The following DNAJC12 variants were observed in gnomAD, a reference collection of about 807,000 sequenced individuals.
The protein encoded by DNAJC12 is dnaJ homolog subfamily C member 12.
Under a neutral mutation model 28.5 loss-of-function variants are expected in DNAJC12, and 25 were observed. That is an observed-to-expected ratio of 0.88 (90% CI 0.64 to 1.22). The LOEUF is 1.22. Ranked by LOEUF, DNAJC12 falls within the 50% of genes most tolerant of loss-of-function variation. DNAJC12 has a pLI of 0.00. For synonymous variants in DNAJC12, 77 were observed against 80.6 expected (o/e 0.95, Z 0.24); for missense variants, 222 against 231.7 (o/e 0.96, Z 0.27).
intron 1 of DNAJC12, among the ~76,000 whole-genome samples, chr10:67,823,829 G>A (rs1801980455): frequency 6.6e-6 from 1 of 152,026 alleles, no homozygotes; most frequent in African/African-American, 2.4e-5. Flanking sequence ...TTTCCTCTAA[G>A]AAATAATAAA....
intron 2 of DNAJC12, among the ~76,000 whole-genome samples, chr10:67,813,238 C>A (rs1278086559): frequency 1.3e-5 from 2 of 151,964 alleles, no homozygotes; most frequent in Admixed American, 1.3e-4. Flanking sequence ...CGGTGGGCGC[C>A]TGTAATCCCA....
At chr10:67,827,046 G>T (rs917681281) in intron 1 of DNAJC12, among the ~76,000 whole-genome samples, 5 of 150,078 alleles carry the variant, frequency 3.3e-5, no homozygotes, top group Non-Finnish European at 3.0e-5. Context: ...AGAAAGTTTT[G>T]GGGGTTTATC....
chr10:67,814,529 TA>T (rs1841895094), intron 2 of DNAJC12, among the ~76,000 whole-genome samples: 1 of 152,034 alleles, frequency 6.6e-6, no homozygotes. Flanking sequence ...ACATCAAAAT[TA>T]AAACTTTTGT....
chr10:67,833,716 G>T, intron 1 of DNAJC12: 1 of 399,528 alleles, frequency 2.5e-6, no homozygotes, highest in South Asian at 1.9e-5. Flanking sequence ...TCTCTGGGCT[G>T]GGATGATCCA....
intron 4 of DNAJC12, among the ~76,000 whole-genome samples, chr10:67,797,604 T>C (rs1286244210): frequency 6.6e-6 from 1 of 152,126 alleles, no homozygotes; most frequent in Non-Finnish European, 1.5e-5. Context: ...AATTCCATGG[T>C]AATAAGATTT....
chr10:67,829,513 C>T (rs1421966909), intron 1 of DNAJC12, among the ~76,000 whole-genome samples: 3 of 151,976 alleles, frequency 2.0e-5, no homozygotes, highest in East Asian at 3.9e-4. Context: ...TGGTGGCGGC[C>T]GCCTGTAGTT....
chr10:67,831,903 T>C (rs1408434491), intron 1 of DNAJC12, among the ~76,000 whole-genome samples: 1 of 152,244 alleles, frequency 6.6e-6, no homozygotes, highest in Non-Finnish European at 1.5e-5. Context: ...CTGAAAATTA[T>C]GGCTAATTCA....
At chr10:67,807,941 A>G (rs1485036502) in intron 3 of DNAJC12, among the ~76,000 whole-genome samples, 2 of 152,252 alleles carry the variant, frequency 1.3e-5, no homozygotes, top group African/African-American at 4.8e-5. Flanking sequence ...AAAGAAATAT[A>G]CAGAAGAAAT....
chr10:67,805,653 TG>T lies in DNAJC12; in HGVS notation c.431del (p.Ala144GlufsTer12). On this transcript the variant is annotated frameshift_variant, in exon 4 of 5. Coordinates refer to ENST00000225171, the MANE Select transcript of DNAJC12 (RefSeq NM_021800.3). LOFTEE classifies it high-confidence loss of function. ...TGGGTTCTTTCTGCTCCGTTTTCTC[TG>T]CGGTTGAAGCCAGCTCCTCTTTCTT... ...ERKKEELAST[A>X]EKTEQKEPKP... 2.5e-6 allele frequency: 4 copies of T among 1,613,906 alleles called. No homozygotes were observed. The highest frequency in any genetic ancestry group is 3.4e-6 in the Non-Finnish European group (4 of 1,179,928).
At chr10:67,815,423 G>T (rs752753865) in intron 2 of DNAJC12, among the ~76,000 whole-genome samples, 3 of 147,082 alleles carry the variant, frequency 2.0e-5, no homozygotes, top group Non-Finnish European at 4.4e-5. Context: ...CAGGAGAATC[G>T]CTTGAACCCA....
intron 2 of DNAJC12, among the ~76,000 whole-genome samples, chr10:67,813,263 T>C (rs1338321689): frequency 6.6e-6 from 1 of 151,766 alleles, no homozygotes; most frequent in Non-Finnish European, 1.5e-5. Context: ...TTTGGGAGGC[T>C]GAGGCAGAAG....
At chr10:67,831,154 C>CT (rs768664861) in intron 1 of DNAJC12, among the ~76,000 whole-genome samples, 4 of 152,320 alleles carry the variant, frequency 2.6e-5, no homozygotes, top group Admixed American at 6.5e-5. Context: ...CACCATTGCA[C>CT]TCCAGTCTGG....
chr10:67,799,016 C>T (rs1284880116), intron 4 of DNAJC12, among the ~76,000 whole-genome samples: 2 of 152,128 alleles, frequency 1.3e-5, no homozygotes, highest in Non-Finnish European at 1.5e-5. Flanking sequence ...CTGCCTGCCT[C>T]AGCCTCCCAA....
At chr10:67,822,851 T>G (rs550767940) in intron 2 of DNAJC12, among the ~76,000 whole-genome samples, 1 of 151,552 alleles carries the variant, frequency 6.6e-6, no homozygotes, top group East Asian at 1.9e-4. Context: ...AAAAATTAGC[T>G]GGGCATGGTG....
chr10:67,815,973 G>A, intron 2 of DNAJC12: 1 of 397,800 alleles, frequency 2.5e-6, no homozygotes, highest in Non-Finnish European at 4.4e-6. Context: ...ACAAAAGTGA[G>A]TTTGGGTTTA....
At chr10:67,823,777 T>C (rs1287807987) in intron 1 of DNAJC12, among the ~76,000 whole-genome samples, 1 of 152,048 alleles carries the variant, frequency 6.6e-6, no homozygotes, top group South Asian at 2.1e-4. Flanking sequence ...ACAGCCATGA[T>C]CAACCCAACT....
intron 1 of DNAJC12, among the ~76,000 whole-genome samples, chr10:67,824,161 G>A (rs1842007328): frequency 1.3e-5 from 2 of 151,010 alleles, no homozygotes; most frequent in Non-Finnish European, 2.9e-5. Flanking sequence ...GCTTGAACCT[G>A]GGAGGCAGAG....
At chr10:67,806,611 G>A (rs1478649058) in intron 3 of DNAJC12, among the ~76,000 whole-genome samples, 3 of 152,078 alleles carry the variant, frequency 2.0e-5, no homozygotes, top group African/African-American at 7.2e-5. Flanking sequence ...ATCATTTGAG[G>A]CAAGGAGTTC....
At chr10:67,808,415 G>A (rs753137746) in intron 3 of DNAJC12, 3 of 152,072 alleles carry the variant, frequency 2.0e-5, no homozygotes, top group Non-Finnish European at 4.4e-5. Flanking sequence ...CAATTAACTT[G>A]TTTACTAGCT....
Sources: gnomAD v4.1 joint callset for allele counts (sites outside exome capture counted in the v4.1 genomes callset) on GRCh38, gnomAD v4.1.1 for gene constraint, MANE v1.5 for transcripts, NCBI Gene and HGNC (gene_info 2026-07-23, HGNC 2026-07-21) for gene names.